STXBP3: variants seen among roughly 807,000 people sequenced by gnomAD.
STXBP3 encodes the protein syntaxin-binding protein 3.
Under a neutral mutation model 85.7 loss-of-function variants are expected in STXBP3, and 41 were observed. The ratio of observed to expected loss-of-function variants is 0.48; its 90% CI spans 0.37 to 0.62. The LOEUF is 0.62. STXBP3 is among the 20% of genes least tolerant of loss of function. The pLI, the probability that STXBP3 is intolerant of heterozygous loss-of-function variation, is 0.00. For synonymous variants in STXBP3, 229 were observed against 231.7 expected (o/e 0.99, Z 0.10); for missense variants, 563 against 703.1 (o/e 0.80, Z 2.25).
intron 4 of STXBP3, 38 bp from the exon 5 acceptor site, chr1:108,758,471 AT>A: frequency 1.9e-6 from 2 of 1,026,448 alleles, no homozygotes; most frequent in Non-Finnish European, 2.8e-6. Context: ...TTAAATTAAT[AT>A]TTAATAAAAT....
intron 17 of STXBP3, among the ~76,000 whole-genome samples, chr1:108,806,732 A>G (rs954368337): frequency 2.0e-5 from 3 of 151,984 alleles, no homozygotes; most frequent in African/African-American, 7.3e-5. Context: ...CACATCTTCA[A>G]AACCTTTTTC....
At chr1:108,795,434 G>A (rs1218237110) in intron 13 of STXBP3, among the ~76,000 whole-genome samples, 4 of 151,850 alleles carry the variant, frequency 2.6e-5, no homozygotes, top group Non-Finnish European at 4.4e-5. Context: ...AGGCTGAGGT[G>A]GGAGGATTGC....
At chr1:108,795,247 G>A (rs1663064989) in intron 13 of STXBP3, among the ~76,000 whole-genome samples, 1 of 152,110 alleles carries the variant, frequency 6.6e-6, no homozygotes, top group Non-Finnish European at 1.5e-5. Flanking sequence ...CATTTTACAA[G>A]GGGCCTTTTA....
At chr1:108,752,351 T>G (rs1661922351) in intron 2 of STXBP3, 45 bp downstream of exon 2, 1 of 1,552,556 alleles carries the variant, frequency 6.4e-7, no homozygotes, top group South Asian at 1.1e-5. Flanking sequence ...ATACAAACTT[T>G]AAAAACAATA....
chr1:108,793,811 C>G (rs960395787), intron 12 of STXBP3, among the ~76,000 whole-genome samples, 164 bp downstream of exon 12: 2 of 152,206 alleles, frequency 1.3e-5, no homozygotes, highest in African/African-American at 4.8e-5. Flanking sequence ...ATCTAAGCTT[C>G]TTCATAACTT....
intron 11 of STXBP3, among the ~76,000 whole-genome samples, chr1:108,785,417 C>T (rs1257992393): frequency 6.6e-6 from 1 of 152,174 alleles, no homozygotes; most frequent in Non-Finnish European, 1.5e-5. Context: ...TTAGCCACAG[C>T]TGGGATGCAG....
At chr1:108,797,346 A>T (rs1663125646) in intron 15 of STXBP3, among the ~76,000 whole-genome samples, 1 of 151,536 alleles carries the variant, frequency 6.6e-6, no homozygotes, top group African/African-American at 2.4e-5. Flanking sequence ...TCTCAAAAAA[A>T]AAAACAAAAA....
chr1:108,759,878 T>G, intron 5 of STXBP3, 107 bp from the exon 6 acceptor site: 1 of 691,810 alleles, frequency 1.4e-6, no homozygotes, highest in Non-Finnish European at 2.5e-6. Context: ...TCATAATAAC[T>G]GTGAAAGCCA....
rs149009964 is a variant in STXBP3, at chr1:108,750,275, T to G, written c.50-1982T>G. Among the ~76,000 whole-genome samples, 4 of 152,262 alleles carry G rather than the reference T, an allele frequency of 2.6e-5. No homozygotes were observed. In the East Asian group the frequency reaches 7.7e-4, roughly 29 times the overall value. On this transcript the variant is annotated intron_variant, in intron 1 of 18. Transcript: ENST00000370008. ...TTGAAAGGAAAAGCAGCATAATATT[T>G]CTGTATCTGAGCTCTACCGGAGAAA...
At chr1:108,757,056 A>T (rs993204197) in intron 4 of STXBP3, 1 of 206,920 alleles carries the variant, frequency 4.8e-6, no homozygotes, top group African/African-American at 2.3e-5. Context: ...ATTGAACTAT[A>T]CCTTTTGGGG....
chr1:108,785,927 G>A (rs561924093), intron 11 of STXBP3, among the ~76,000 whole-genome samples: 1 of 152,174 alleles, frequency 6.6e-6, no homozygotes, highest in South Asian at 2.1e-4. Context: ...TCAGCATTTT[G>A]GCCAAAATCA....
At chr1:108,783,703 G>A (rs1208424385) in intron 11 of STXBP3, among the ~76,000 whole-genome samples, 1 of 152,128 alleles carries the variant, frequency 6.6e-6, no homozygotes, top group Non-Finnish European at 1.5e-5. Flanking sequence ...GGGTTATAGG[G>A]TAGGATTGTG....
chr1:108,786,791 T>C (rs898036789), intron 11 of STXBP3, among the ~76,000 whole-genome samples: 1 of 152,246 alleles, frequency 6.6e-6, no homozygotes, highest in Non-Finnish European at 1.5e-5. Context: ...TTTTAGATTC[T>C]GCTTGACAAT....
At chr1:108,759,266 C>T (rs1662082595) in intron 5 of STXBP3, 2 of 152,016 alleles carry the variant, frequency 1.3e-5, no homozygotes, top group African/African-American at 4.8e-5. Flanking sequence ...TATCTCATGC[C>T]TAATAGTTTG....
intron 17 of STXBP3, among the ~76,000 whole-genome samples, chr1:108,801,107 T>G (rs1663224495): frequency 6.6e-6 from 1 of 152,200 alleles, no homozygotes; most frequent in Non-Finnish European, 1.5e-5. Context: ...TTATTGTACT[T>G]TCACATGTAG....
chr1:108,800,394 T>C lies in STXBP3; in HGVS notation c.1535+89T>C, dbSNP rs1286995726. On this transcript the variant is annotated intron_variant, in intron 17 of 18. Transcript: ENST00000370008. ...CACAGATACTCATATTTGGCAACTT[T>C]CTTTCAAGTATATAATCCTGTATTT... 10 of 921,204 alleles carry C rather than the reference T, an allele frequency of 1.1e-5. No homozygotes were observed. In the Admixed American group the frequency reaches 1.9e-4, roughly 18 times the overall value. The allele number at this position is 921,204 out of a possible 1,614,324, so 57.1% of individuals were successfully genotyped here. A position where few individuals can be genotyped will look rare whatever the true frequency, so the allele number is the denominator to read the frequency against.
intron 6 of STXBP3, among the ~76,000 whole-genome samples, chr1:108,765,118 C>A (rs115483450): frequency 1.3e-5 from 2 of 152,272 alleles, no homozygotes; most frequent in African/African-American, 4.8e-5. Context: ...TATCCCAGCA[C>A]CATTTATTGA....
chr1:108,773,995 T>C (rs969539935), intron 7 of STXBP3, among the ~76,000 whole-genome samples: 3 of 152,200 alleles, frequency 2.0e-5, no homozygotes, highest in Admixed American at 2.0e-4. Context: ...GAGGCCTCTC[T>C]TGTGATCCCT....
chr1:108,798,319 A>T, intron 16 of STXBP3, 82 bp downstream of exon 16: 1 of 1,038,334 alleles, frequency 9.6e-7, no homozygotes, highest in Non-Finnish European at 1.4e-6. Context: ...TGTCAGTCTG[A>T]GTATATGTAT....
Sources: allele counts gnomAD v4.1 joint callset (sites outside exome capture counted in the v4.1 genomes callset), GRCh38; gene constraint gnomAD v4.1.1; transcripts MANE v1.5; gene names NCBI Gene and HGNC (gene_info 2026-07-23, HGNC 2026-07-21).